The following PARD3 variants were observed in gnomAD, a reference collection of about 807,000 sequenced individuals.
PARD3 encodes partitioning defective 3 homolog.
A neutral mutation model predicts 155.4 loss-of-function variants in PARD3; 75 were observed. The ratio of observed to expected loss-of-function variants is 0.48; its 90% CI spans 0.40 to 0.58. The LOEUF (loss-of-function observed/expected upper bound fraction) is 0.58. Among genes scored for constraint, PARD3 ranks in the 20% least tolerant of loss-of-function variants. The probability of loss-of-function intolerance (pLI) is 0.00; values close to 1 mark genes in which losing one functional copy is unlikely to be tolerated. For missense variants in PARD3, 1,642 were observed against 1,721.7 expected (o/e 0.95, Z 0.82); for synonymous variants, 576 against 610.5 (o/e 0.94, Z 0.83).
rs60170406 is a variant in PARD3, at chr10:34,685,704, A to G, written c.222+10614T>C. On this transcript the variant is annotated intron_variant, in intron 2 of 24. Transcript: ENST00000374788. ...CGCCTCCTGGCCCTACACGATTCTC[A>G]TGCCTCAGCCTCTCAAGTAACTGGG... Among the ~76,000 whole-genome samples the G allele has an allele frequency of 8.0e-3, 1,209 of 151,106 alleles. 16 individuals are homozygous for G. Among genetic ancestry groups the G allele is most frequent in the African/African-American group, 0.028 (1,161 of 41,144 alleles).
At chr10:34,803,691 T>A (rs914787385) in intron 1 of PARD3, among the ~76,000 whole-genome samples, 2 of 151,984 alleles carry the variant, frequency 1.3e-5, no homozygotes, top group African/African-American at 4.8e-5. Flanking sequence ...TAATCCCAGC[T>A]ACTTGGGAGG....
At chr10:34,296,800 T>C (rs963588678) in intron 20 of PARD3, among the ~76,000 whole-genome samples, 1 of 152,190 alleles carries the variant, frequency 6.6e-6, no homozygotes. Context: ...AGAACAAGAA[T>C]ACTTTGGGGG....
At chr10:34,690,888 G>A (rs181122478) in intron 2 of PARD3, among the ~76,000 whole-genome samples, 1 of 152,302 alleles carries the variant, frequency 6.6e-6, no homozygotes, top group Admixed American at 6.5e-5. Flanking sequence ...AGTGTCCACA[G>A]CAAGTACAAC....
At chr10:34,376,053 A>G (rs996934693) in intron 10 of PARD3, among the ~76,000 whole-genome samples, 11 of 152,148 alleles carry the variant, frequency 7.2e-5, no homozygotes, top group African/African-American at 2.7e-4. Flanking sequence ...CAAACAAAAG[A>G]AAGTGAAAAA....
chr10:34,706,657 A>G (rs1440873864), intron 1 of PARD3, among the ~76,000 whole-genome samples: 1 of 152,156 alleles, frequency 6.6e-6, no homozygotes, highest in Non-Finnish European at 1.5e-5. Flanking sequence ...GCTACTCAGG[A>G]GGCTGAGGCA....
At chr10:34,353,906 A>G (rs1838486825) in intron 14 of PARD3, among the ~76,000 whole-genome samples, 1 of 151,794 alleles carries the variant, frequency 6.6e-6, no homozygotes, top group African/African-American at 2.4e-5. Flanking sequence ...TAAGGGCTTT[A>G]AACAATGGGA....
chr10:34,662,192 AACTACAATGAG>A (rs2093342344), intron 2 of PARD3, among the ~76,000 whole-genome samples: 2 of 152,116 alleles, frequency 1.3e-5, no homozygotes, highest in Admixed American at 1.3e-4. Flanking sequence ...TGCAAATCAA[AACTACAATGAG>A]ATATCATCTC....
chr10:34,251,490 C>T (rs1054134817), intron 22 of PARD3, among the ~76,000 whole-genome samples: 14 of 152,128 alleles, frequency 9.2e-5, no homozygotes, highest in African/African-American at 1.9e-4. Flanking sequence ...TTATTATCCC[C>T]GTTTTGCAGA....
chr10:34,402,386 G>C (rs1252104010), intron 5 of PARD3, among the ~76,000 whole-genome samples: 1 of 152,048 alleles, frequency 6.6e-6, no homozygotes, highest in African/African-American at 2.4e-5. Context: ...AAGCTTCAAA[G>C]TCATGTTTCT....
chr10:34,145,221 A>ATATATATATATTTTTT (rs1491430560), intron 22 of PARD3, among the ~76,000 whole-genome samples: 1 of 33,970 alleles, frequency 2.9e-5, no homozygotes, highest in African/African-American at 1.4e-4. Context: ...ATATATATAT[A>ATATATATATATTTTTT]TTTTTTTTTT....
intron 1 of PARD3, among the ~76,000 whole-genome samples, chr10:34,774,295 T>C (rs927464289): frequency 6.6e-6 from 1 of 152,244 alleles, no homozygotes; most frequent in Non-Finnish European, 1.5e-5. Flanking sequence ...AGTCACCTTT[T>C]AGGCAAGGCT....
intron 3 of PARD3, among the ~76,000 whole-genome samples, chr10:34,477,428 G>A (rs1186223234): frequency 1.3e-5 from 2 of 152,224 alleles, no homozygotes; most frequent in Non-Finnish European, 2.9e-5. Context: ...TGAGGGTGGA[G>A]ACTGTTTGAT....
intron 2 of PARD3, among the ~76,000 whole-genome samples, chr10:34,630,089 G>A (rs141764291): frequency 7.2e-5 from 11 of 152,112 alleles, no homozygotes; most frequent in African/African-American, 9.6e-5. Context: ...GAGGGAGGGA[G>A]AGAGGAAATG....
chr10:34,184,107 T>C (rs1339942951), intron 22 of PARD3, among the ~76,000 whole-genome samples: 1 of 152,246 alleles, frequency 6.6e-6, no homozygotes, highest in Admixed American at 6.5e-5. Flanking sequence ...TGTGAGCCAC[T>C]GTGCTCAGTC....
At chr10:34,497,319 G>A (rs958867829) in intron 3 of PARD3, among the ~76,000 whole-genome samples, 2 of 152,090 alleles carry the variant, frequency 1.3e-5, no homozygotes, top group African/African-American at 2.4e-5. Flanking sequence ...TTTATATAGC[G>A]TTTACATTGT....
At chr10:34,791,749 A>G (rs921583587) in intron 1 of PARD3, among the ~76,000 whole-genome samples, 15 of 151,980 alleles carry the variant, frequency 9.9e-5, no homozygotes, top group African/African-American at 3.4e-4. Context: ...CAGAAGTGGG[A>G]GGACCACTGG....
chr10:34,261,441 C>T (rs576872960), intron 22 of PARD3, among the ~76,000 whole-genome samples: 1 of 152,278 alleles, frequency 6.6e-6, no homozygotes, highest in African/African-American at 2.4e-5. Context: ...GTAATCCCAG[C>T]ACTTTGGGAG....
intron 22 of PARD3, among the ~76,000 whole-genome samples, chr10:34,206,752 A>G (rs1951499309): frequency 6.6e-6 from 1 of 152,176 alleles, no homozygotes; most frequent in Non-Finnish European, 1.5e-5. Context: ...CTGCCATGGA[A>G]AGCAGTGGAA....
chr10:34,384,187 CA>C lies in PARD3; in HGVS notation c.957del (p.Glu320ArgfsTer75). ...TTAATCCTGACAATGCAATCATTCT[CA>C]CGAAAAAGATTTTCATGTTCAGCTT... ...GGKAEHENLF[R>X]ENDCIVRIND... is the part of the protein sequence containing the mutation. On this transcript the variant is annotated frameshift_variant, in exon 8 of 25. Coordinates refer to ENST00000374788, the MANE Select transcript of PARD3 (RefSeq NM_001184785.2). LOFTEE classifies it high-confidence loss of function. 6.2e-7 allele frequency: 1 copy of C among 1,613,794 alleles called. No homozygotes were observed. The highest frequency in any genetic ancestry group is 1.1e-5 in the South Asian group (1 of 91,076).
Sources: gnomAD v4.1 joint callset for allele counts (sites outside exome capture counted in the v4.1 genomes callset) on GRCh38, gnomAD v4.1.1 for gene constraint, MANE v1.5 for transcripts, NCBI Gene and HGNC (gene_info 2026-07-23, HGNC 2026-07-21) for gene names.